Variants in PPARGC1B observed in about 807,000 individuals in gnomAD.
PPARGC1B encodes the protein peroxisome proliferator-activated receptor gamma coactivator 1-beta.
Under a neutral mutation model 101.6 loss-of-function variants are expected in PPARGC1B, and 34 were observed. That is an observed-to-expected ratio of 0.33 (90% CI 0.25 to 0.45). The LOEUF (loss-of-function observed/expected upper bound fraction) is 0.45. Ranked by LOEUF, PPARGC1B falls within the 20% of genes least tolerant of loss-of-function variation. PPARGC1B has a pLI of 1.00. For missense variants in PPARGC1B, 1,234 were observed against 1,317.6 expected, an observed-to-expected ratio of 0.94 and a Z score of 0.98; for synonymous variants, 548 against 539.3, an observed-to-expected ratio of 1.02 and a Z score of -0.22.
At chr5:149,807,660 G>T (rs1465705743) in intron 1 of PPARGC1B, among the ~76,000 whole-genome samples, 1 of 152,122 alleles carries the variant, frequency 6.6e-6, no homozygotes, top group Non-Finnish European at 1.5e-5. Flanking sequence ...CCCCATCCTG[G>T]CAGGCCATTC....
chr5:149,801,745 G>A (rs550397303), intron 1 of PPARGC1B, among the ~76,000 whole-genome samples: 4 of 152,128 alleles, frequency 2.6e-5, no homozygotes, highest in Non-Finnish European at 5.9e-5. Context: ...TGCCATTGAC[G>A]TGTGAGTTGG....
At chr5:149,749,006 C>T (rs570418933) in intron 1 of PPARGC1B, among the ~76,000 whole-genome samples, 13 of 149,780 alleles carry the variant, frequency 8.7e-5, no homozygotes, top group African/African-American at 3.2e-4. Flanking sequence ...CGCTCCTCCC[C>T]AGGCCCTAGG....
intron 1 of PPARGC1B, among the ~76,000 whole-genome samples, chr5:149,784,556 GTTTCT>G (rs1561535316): frequency 1.8e-5 from 2 of 111,630 alleles, no homozygotes; most frequent in African/African-American, 6.4e-5. Context: ...AGCCAACTGA[GTTTCT>G]TTTTTTTTTT....
At chr5:149,784,255 A>C (rs1325417170) in intron 1 of PPARGC1B, among the ~76,000 whole-genome samples, 5 of 151,802 alleles carry the variant, frequency 3.3e-5, no homozygotes, top group Non-Finnish European at 7.4e-5. Context: ...ATAGATCACA[A>C]ATAGGTCCAA....
At chr5:149,818,765 T>C (rs1346738115) in intron 1 of PPARGC1B, 2 of 452,800 alleles carry the variant, frequency 4.4e-6, no homozygotes, top group East Asian at 1.4e-4. Context: ...ATTATCATTA[T>C]TTGTTATATT....
At chr5:149,808,750 G>A (rs189661587) in intron 1 of PPARGC1B, among the ~76,000 whole-genome samples, 14 of 152,094 alleles carry the variant, frequency 9.2e-5, no homozygotes, top group African/African-American at 2.4e-4. Context: ...TTTCTTGAAC[G>A]CATGTTTATT....
chr5:149,796,383 G>A (rs1757216840), intron 1 of PPARGC1B, among the ~76,000 whole-genome samples: 1 of 152,334 alleles, frequency 6.6e-6, no homozygotes, highest in African/African-American at 2.4e-5. Flanking sequence ...GCAGAAAGTG[G>A]CAGAAGAGGA....
At chr5:149,774,477 A>G (rs1028950986) in intron 1 of PPARGC1B, among the ~76,000 whole-genome samples, 2 of 152,066 alleles carry the variant, frequency 1.3e-5, no homozygotes, top group South Asian at 2.1e-4. Flanking sequence ...CGGCGCTGGT[A>G]ATCCTTCTGG....
chr5:149,832,903 C>T lies in PPARGC1B; in HGVS notation c.830C>T (p.Ala277Val), dbSNP rs751019088. 6 of 1,612,990 alleles carry T rather than the reference C, an allele frequency of 3.7e-6. No homozygotes were observed. Among genetic ancestry groups the T allele is most frequent in the Admixed American group, 1.7e-5 (1 of 59,988 alleles). Residue 277 changes from alanine to valine, a missense_variant, in exon 5 of 12, where the codon GCC becomes GTC. Coordinates refer to ENST00000309241, the MANE Select transcript of PPARGC1B (RefSeq NM_133263.4). This position sits in a 1 kb window ranked among gnomAD's most constrained non-coding sequence, Gnocchi z 4.9. ...SLALGRADPG[A>V]PVSQEDMQAM... is the part of the protein sequence containing the mutation. ...GCTCTGGGCAGGGCAGACCCCGGTG[C>T]CCCGGTTTCCCAGGAAGACATGCAG...
intron 1 of PPARGC1B, among the ~76,000 whole-genome samples, chr5:149,801,603 A>C (rs1757432631): frequency 6.6e-6 from 1 of 152,152 alleles, no homozygotes; most frequent in Non-Finnish European, 1.5e-5. Context: ...GGCCACAGAA[A>C]GAGTTTCAGT....
chr5:149,738,524 G>C (rs747057212), intron 1 of PPARGC1B, among the ~76,000 whole-genome samples: 1 of 152,064 alleles, frequency 6.6e-6, no homozygotes, highest in African/African-American at 2.4e-5. Flanking sequence ...TCCTCTCCCC[G>C]CCACCATCCC....
At chr5:149,825,786 G>A (rs1352365589) in intron 2 of PPARGC1B, among the ~76,000 whole-genome samples, 1 of 152,146 alleles carries the variant, frequency 6.6e-6, no homozygotes, top group Non-Finnish European at 1.5e-5. Context: ...GGGGAAGGAA[G>A]GGAGCAAAGA....
intron 1 of PPARGC1B, among the ~76,000 whole-genome samples, chr5:149,773,368 G>T (rs1246308128): frequency 6.6e-6 from 1 of 152,266 alleles, no homozygotes; most frequent in Admixed American, 6.5e-5. Context: ...TGTGCAGCTG[G>T]TGCATGGGTG....
In PPARGC1B at chr5:149,836,710, G is replaced by A; in HGVS notation, c.2255G>A (p.Ser752Asn). 1 of 1,613,744 alleles carries A rather than the reference G, an allele frequency of 6.2e-7. No individual in the cohort carries two copies. Among genetic ancestry groups the A allele is most frequent in the Non-Finnish European group, 8.5e-7 (1 of 1,180,014 alleles). ...GATGCTGGCGCCCCACCCAAGGACAGCACGCTGCTGAGAGACCATGAGATC... is the reference window on the plus strand; with the variant it reads ...GATGCTGGCGCCCCACCCAAGGACAACACGCTGCTGAGAGACCATGAGATC... ...SCDAGAPPKD[S>N]TLLRDHEIRA... The change falls in exon 8 of 12, where the codon AGC (serine) becomes AAC (asparagine). Residue 752 changes from serine to asparagine, a missense_variant. Around this residue, in one of 3 missense-constraint regions of PPARGC1B, gnomAD observed 497 missense variants for 529.5 expected, o/e 0.94. Transcript: ENST00000309241.
At position 149,820,478 on chromosome 5, in the gene PPARGC1B, C is replaced by T. The variant is rs1280472565; in HGVS notation, c.124C>T (p.Leu42Phe). Residue 42 changes from leucine to phenylalanine, a missense_variant, in exon 2 of 12, where the codon CTT becomes TTT. Leu to Phe is a conservative substitution (Grantham distance 22). Around this residue, in one of 3 missense-constraint regions of PPARGC1B, gnomAD observed 734 missense variants for 768.4 expected, o/e 0.96. Coordinates refer to ENST00000309241, the MANE Select transcript of PPARGC1B (RefSeq NM_133263.4). ...GCAACTCTATGCTGACTTTCCAGAA[C>T]TTGACCTCTCCCAGCTGGATGCCAG... is the stretch of plus-strand genomic sequence containing the variant. ...EEQLYADFPELDLSQLDASDF... is the reference protein window; with the variant it reads ...EEQLYADFPEFDLSQLDASDF... The T allele has an allele frequency of 6.2e-7, 1 of 1,613,958 alleles. No homozygotes were observed. Among genetic ancestry groups the T allele is most frequent in the East Asian group, 2.2e-5 (1 of 44,888 alleles).
At chr5:149,774,449 C>T (rs943078213) in intron 1 of PPARGC1B, among the ~76,000 whole-genome samples, 8 of 152,090 alleles carry the variant, frequency 5.3e-5, no homozygotes, top group Non-Finnish European at 7.4e-5. Flanking sequence ...CATATAGCAG[C>T]GGATCAGTAG....
At position 149,847,571 on chromosome 5, in the gene PPARGC1B, C is replaced by A. The variant is rs898014679; in HGVS notation, c.*13C>A. Reference sequence around the variant, plus strand: ...GAGCCTGCATTGATAACAGCCTTAACCCTCGAGGAATACCTCAATACCTCA... The same window carrying A: ...GAGCCTGCATTGATAACAGCCTTAAACCTCGAGGAATACCTCAATACCTCA... On this transcript the variant is annotated 3_prime_UTR_variant, in exon 12 of 12. Transcript: ENST00000309241. 15 of 1,593,642 alleles carry A rather than the reference C, an allele frequency of 9.4e-6. No homozygotes were observed. The highest frequency in any genetic ancestry group is 1.3e-5 in the Non-Finnish European group (15 of 1,161,656).
chr5:149,769,727 A>G (rs994365686), intron 1 of PPARGC1B, among the ~76,000 whole-genome samples: 7 of 152,120 alleles, frequency 4.6e-5, no homozygotes, highest in Non-Finnish European at 1.0e-4. Flanking sequence ...GCAGGGCTGC[A>G]TTCCTTCCCA....
Position 149,730,480 on chromosome 5 carries a change from C to A in PPARGC1B, c.78+60C>A. On this transcript the variant is annotated intron_variant, in intron 1 of 11. Coordinates refer to ENST00000309241, the MANE Select transcript of PPARGC1B (RefSeq NM_133263.4). The surrounding 1 kb of genome is among the most constrained non-coding windows in gnomAD (Gnocchi z 4.0). ...GGGTGCTGAGCTGCGGGGGCCGCAG[C>A]TGCAGCCGCGGAGGCCGGGAGGCAG... 1 of 1,378,816 alleles carries A rather than the reference C, an allele frequency of 7.3e-7. No homozygotes were observed. Among genetic ancestry groups the A allele is most frequent in the Non-Finnish European group, 9.7e-7 (1 of 1,031,710 alleles). The allele number at this position is 1,378,816 out of a possible 1,614,324, so 85.4% of individuals were successfully genotyped here. A position where few individuals can be genotyped will look rare whatever the true frequency, so the allele number is the denominator to read the frequency against.
Sources: gnomAD v4.1 joint callset for allele counts (sites outside exome capture counted in the v4.1 genomes callset) on GRCh38, gnomAD v4.1.1 for gene constraint, gnomAD v4.1.1 regional missense constraint, Gnocchi (gnomAD v3.1) non-coding constraint, MANE v1.5 for transcripts, NCBI Gene and HGNC (gene_info 2026-07-23, HGNC 2026-07-21) for gene names.